The following RAI1 variants were observed in gnomAD, a reference collection of about 807,000 sequenced individuals.
RAI1 encodes the protein retinoic acid induced 1.
Under a neutral mutation model 123.8 loss-of-function variants are expected in RAI1, and 9 were observed. That is an observed-to-expected ratio of 0.07 (90% CI 0.04 to 0.13). RAI1 has a LOEUF of 0.13. Ranked by LOEUF, RAI1 falls within the 10% of genes least tolerant of loss-of-function variation. The probability of loss-of-function intolerance (pLI) is 1.00; values close to 1 mark genes in which losing one functional copy is unlikely to be tolerated. For synonymous variants in RAI1, 1,231 were observed against 1,127.3 expected (o/e 1.09, Z -1.84); for missense variants, 2,256 against 2,545.8 (o/e 0.89, Z 2.45).
intron 2 of RAI1, among the ~76,000 whole-genome samples, chr17:17,726,834 G>A (rs1185507514): frequency 3.3e-5 from 5 of 152,126 alleles, no homozygotes; most frequent in Non-Finnish European, 7.4e-5. Context: ...TGGTTGGTTT[G>A]TTTTTTAAAG....
In RAI1 at chr17:17,797,749, G is replaced by C; in HGVS notation, c.4801G>C (p.Val1601Leu). The change falls in exon 3 of 6, where the codon GTG becomes CTG. Residue 1601 changes from valine to leucine, a missense_variant. Val to Leu is a conservative substitution (Grantham distance 32). Coordinates refer to ENST00000353383, the MANE Select transcript of RAI1 (RefSeq NM_030665.4). ...CCCCGCCTTCTCACCCTTCGTGCGG[G>C]TGGAGAAGCGAGACGCGTTCACCAC... ...RTPAFSPFVR[V>L]EKRDAFTTIC... The C allele has an allele frequency of 6.2e-7, 1 of 1,614,040 alleles. No homozygotes were observed. The highest frequency in any genetic ancestry group is 8.5e-7 in the Non-Finnish European group (1 of 1,179,988).
intron 1 of RAI1, among the ~76,000 whole-genome samples, chr17:17,716,004 A>C (rs1388625350): frequency 6.6e-6 from 1 of 152,190 alleles, no homozygotes; most frequent in Non-Finnish European, 1.5e-5. Flanking sequence ...GGTTTCCCTT[A>C]GCAGAGAGGG....
At chr17:17,727,905 T>C (rs972690185) in intron 2 of RAI1, among the ~76,000 whole-genome samples, 7 of 152,014 alleles carry the variant, frequency 4.6e-5, no homozygotes, top group Non-Finnish European at 7.4e-5. Flanking sequence ...GCAGAGACAG[T>C]ATTCCCCATC....
intron 1 of RAI1, among the ~76,000 whole-genome samples, chr17:17,691,643 G>A (rs566953006): frequency 2.6e-5 from 4 of 152,162 alleles, no homozygotes; most frequent in Non-Finnish European, 4.4e-5. Context: ...GTGTGTGCCC[G>A]GGGAGAAGTC....
At chr17:17,756,791 C>G (rs933255175) in intron 2 of RAI1, among the ~76,000 whole-genome samples, 1 of 152,162 alleles carries the variant, frequency 6.6e-6, no homozygotes, top group Non-Finnish European at 1.5e-5. Context: ...TCGTCGGTAA[C>G]GAGGCAGGGA....
chr17:17,726,011 G>C (rs1034424565), intron 2 of RAI1, among the ~76,000 whole-genome samples: 11 of 152,168 alleles, frequency 7.2e-5, no homozygotes, highest in African/African-American at 2.7e-4. Flanking sequence ...GACACCGGCT[G>C]ACTGGAGCTA....
intron 1 of RAI1, among the ~76,000 whole-genome samples, chr17:17,688,212 C>T (rs538143014): frequency 7.2e-5 from 11 of 151,742 alleles, no homozygotes; most frequent in East Asian, 3.9e-4. Flanking sequence ...AGGCAGGGCG[C>T]GGTGGCTTAC....
At chr17:17,709,284 C>T (rs897584679) in intron 1 of RAI1, among the ~76,000 whole-genome samples, 2 of 152,176 alleles carry the variant, frequency 1.3e-5, no homozygotes, top group East Asian at 1.9e-4. Flanking sequence ...TCTGGCCATG[C>T]GGCTTTGCTG....
intron 1 of RAI1, chr17:17,682,627 G>A (rs1914474885): frequency 6.6e-6 from 1 of 152,238 alleles, no homozygotes. Context: ...GGCAGGACGC[G>A]AGGGTGACAT....
At chr17:17,789,442 G>A (rs1030493284) in intron 2 of RAI1, among the ~76,000 whole-genome samples, 2 of 152,212 alleles carry the variant, frequency 1.3e-5, no homozygotes, top group African/African-American at 2.4e-5. Context: ...AAGAAGGGCT[G>A]TGCCCCAGGT....
chr17:17,703,675 T>A (rs1344491096), intron 1 of RAI1, among the ~76,000 whole-genome samples: 1 of 152,100 alleles, frequency 6.6e-6, no homozygotes, highest in Non-Finnish European at 1.5e-5. Context: ...GGGCTTGCTC[T>A]GTTTGCCGAG....
intron 2 of RAI1, among the ~76,000 whole-genome samples, chr17:17,739,131 C>T (rs1916534122): frequency 6.6e-6 from 1 of 152,212 alleles, no homozygotes; most frequent in African/African-American, 2.4e-5. Flanking sequence ...CCGCCTCCTC[C>T]GTGCATATTG....
intron 1 of RAI1, among the ~76,000 whole-genome samples, chr17:17,710,922 A>G (rs1249033905): frequency 1.3e-5 from 2 of 152,070 alleles, no homozygotes; most frequent in Non-Finnish European, 2.9e-5. Context: ...GAGGGCCCCC[A>G]TGTGTCTGTG....
intron 2 of RAI1, among the ~76,000 whole-genome samples, chr17:17,739,378 A>G (rs1434820647): frequency 6.6e-6 from 1 of 152,194 alleles, no homozygotes; most frequent in Non-Finnish European, 1.5e-5. Context: ...GTGGGTGCAA[A>G]TGAAAACGCA....
Position 17,796,102 on chromosome 17 carries a change from C to T in RAI1, c.3154C>T (p.Leu1052Phe), listed in dbSNP as rs896890084. ...GAPGRGASEG[L>F]PRMCTRSLTA... The stretch of plus-strand genomic sequence containing the variant: ...CCCAGGCCGGGGGGCCTCGGAAGGG[C>T]TCCCCAGGATGTGTACTCGTTCTCT... The change falls in exon 3 of 6, where the codon CTC becomes TTC. Residue 1052 changes from leucine to phenylalanine, a missense_variant. Physicochemically the swap from Leu to Phe is conservative, Grantham distance 22 (BLOSUM62 0). Transcript: ENST00000353383. This position sits in a 1 kb window ranked among gnomAD's most constrained non-coding sequence, Gnocchi z 5.8. The T allele has an allele frequency of 1.3e-6, 2 of 1,583,788 alleles. No homozygotes were observed. The highest frequency in any genetic ancestry group is 1.7e-6 in the Non-Finnish European group (2 of 1,165,192).
intron 2 of RAI1, chr17:17,777,985 T>C (rs2031414178): frequency 6.6e-6 from 1 of 152,170 alleles, no homozygotes; most frequent in African/African-American, 2.4e-5. Flanking sequence ...TTGTATTCTC[T>C]CTCTGAGCCC....
At chr17:17,744,813 A>C (rs893774443) in intron 2 of RAI1, among the ~76,000 whole-genome samples, 1 of 149,534 alleles carries the variant, frequency 6.7e-6, no homozygotes, top group Non-Finnish European at 1.5e-5. Context: ...AAAAAAAAAA[A>C]GGAAAACTGT....
chr17:17,804,003 C>CCAGCAGAGG, intron 4 of RAI1, 154 bp downstream of exon 4: 5 of 804,012 alleles, frequency 6.2e-6, no homozygotes, highest in Non-Finnish European at 1.1e-5. Flanking sequence ...TTCTGTCTGC[C>CCAGCAGAGG]TAGACCTCTG....
In RAI1 at chr17:17,796,747, C is replaced by T. The variant is rs2032271361; in HGVS notation, c.3799C>T (p.Pro1267Ser). 1.9e-6 allele frequency: 3 copies of T among 1,613,434 alleles called. No individual in the cohort carries two copies. The highest frequency in any genetic ancestry group is 2.5e-6 in the Non-Finnish European group (3 of 1,179,878). The change falls in exon 3 of 6, where the codon CCC (proline) becomes TCC (serine). Residue 1267 changes from proline to serine, a missense_variant. This residue lies in a region of RAI1 where 322 missense variants were observed against 358.0 expected (regional missense o/e 0.90). Transcript: ENST00000353383. This position sits in a 1 kb window ranked among gnomAD's most constrained non-coding sequence, Gnocchi z 5.8. ...GAAGGAGGAGAGGCCTGAGGGTTCCCCCACCCTCTTCAAGAGGATGTCTTC... is the reference window on the plus strand; with the variant it reads ...GAAGGAGGAGAGGCCTGAGGGTTCCTCCACCCTCTTCAAGAGGATGTCTTC... ...DGKEERPEGS[P>S]TLFKRMSSPK...
Sources: allele counts gnomAD v4.1 joint callset (sites outside exome capture counted in the v4.1 genomes callset), GRCh38; gene constraint gnomAD v4.1.1; regional missense constraint gnomAD v4.1.1; non-coding constraint Gnocchi (gnomAD v3.1); transcripts MANE v1.5; gene names NCBI Gene and HGNC (gene_info 2026-07-23, HGNC 2026-07-21).